The following ZNF69 variants were observed in gnomAD, a reference collection of about 807,000 sequenced individuals.
The protein encoded by ZNF69 is zinc finger protein 69.
ZNF69 carries 47 observed loss-of-function variants against 50.9 expected under a neutral mutation model. That is an observed-to-expected ratio of 0.92 (90% CI 0.73 to 1.18). The LOEUF is 1.18. ZNF69 is among the 50% of genes most tolerant of loss of function. The pLI, the probability that ZNF69 is intolerant of heterozygous loss-of-function variation, is 0.00. For synonymous variants in ZNF69, 216 were observed against 223.1 expected (o/e 0.97, Z 0.29); for missense variants, 717 against 675.1 (o/e 1.06, Z -0.69).
chr19:11,887,991 G>T lies in ZNF69; in HGVS notation c.63+5G>T, dbSNP rs1179657525. 16 of 1,611,180 alleles carry T rather than the reference G, an allele frequency of 9.9e-6. No individual in the cohort carries two copies. Among genetic ancestry groups the T allele is most frequent in the Non-Finnish European group, 1.3e-5 (15 of 1,178,168 alleles). ...ACATCTGAAAGCCAGGAAATGGTGC[G>T]TGTCTGGGGCCGGGTGTCGTGAGAC... On this transcript the variant is annotated splice_donor_5th_base_variant and intron_variant, in intron 1 of 3. Transcript: ENST00000429654.
the ZNF69 span, chr19:11,946,646 GC>G: frequency 6.6e-6 from 1 of 152,366 alleles, no homozygotes; most frequent in East Asian, 1.9e-4. Context: ...CCTTCTGATG[GC>G]CAACCCACCT....
chr19:11,919,185 G>A (rs547305531), downstream of ZNF69, among the ~76,000 whole-genome samples: 6 of 152,076 alleles, frequency 3.9e-5, no homozygotes, highest in East Asian at 3.9e-4. Flanking sequence ...GTGAGCCACC[G>A]CGCCTGGCCC....
the ZNF69 span, among the ~76,000 whole-genome samples, chr19:11,942,875 A>G: frequency 6.6e-6 from 1 of 152,166 alleles, no homozygotes; most frequent in South Asian, 2.1e-4. Flanking sequence ...GTTCTGAGGT[A>G]TGAGACAATA....
intron 1 of ZNF69, among the ~76,000 whole-genome samples, chr19:11,892,973 T>TA: frequency 6.6e-6 from 1 of 152,166 alleles, no homozygotes; most frequent in African/African-American, 2.4e-5. Flanking sequence ...TAGCTGGGAT[T>TA]ACATGCATGT....
At chr19:11,940,290 T>C in the ZNF69 span, among the ~76,000 whole-genome samples, 11 of 152,326 alleles carry the variant, frequency 7.2e-5, no homozygotes, top group Non-Finnish European at 1.0e-4. Flanking sequence ...ATTGGTGGGT[T>C]CTTGGTGTCA....
chr19:11,924,364 G>T, the ZNF69 span, among the ~76,000 whole-genome samples: 2 of 150,670 alleles, frequency 1.3e-5, no homozygotes, highest in East Asian at 3.9e-4. Context: ...CTCGGGAGGC[G>T]GAGCTTGCAG....
the ZNF69 span, among the ~76,000 whole-genome samples, chr19:11,924,805 C>A: frequency 1.3e-5 from 2 of 152,188 alleles, no homozygotes; most frequent in African/African-American, 4.8e-5. Flanking sequence ...CCTGCACACT[C>A]CTGTGACCCC....
chr19:11,953,238 CAG>C, the ZNF69 span: 2 of 152,258 alleles, frequency 1.3e-5, no homozygotes, highest in African/African-American at 2.4e-5. Flanking sequence ...GATGCAAGCA[CAG>C]TGTTGGAATA....
chr19:11,954,555 G>T, the ZNF69 span, among the ~76,000 whole-genome samples: 1 of 152,122 alleles, frequency 6.6e-6, no homozygotes, highest in Admixed American at 6.5e-5. Context: ...TCATTGCTGG[G>T]CACAGTGGCT....
rs35353560 is a variant in ZNF69 at position 11,891,374 on chromosome 19, TAA to T, written c.63+3402_63+3403del. ...CAATGCAGTGAGAGCCTGTCTGTATTAAAAAAAAAAAAAAAGAAAAGAAAGAA... is the reference window on the plus strand; with the variant it reads ...CAATGCAGTGAGAGCCTGTCTGTATTAAAAAAAAAAAAAGAAAAGAAAGAA... On this transcript the variant is annotated intron_variant, in intron 1 of 3. Transcript: ENST00000429654. Among the ~76,000 whole-genome samples the T allele has an allele frequency of 8.9e-3, 1,123 of 126,872 alleles. 18 individuals are homozygous for T. The highest frequency in any genetic ancestry group is 0.029 in the African/African-American group (1,001 of 34,842). The allele number at this position is 126,872 out of a possible 152,430, so 83.2% of individuals were successfully genotyped here. A position where few individuals can be genotyped will look rare whatever the true frequency, so the allele number is the denominator to read the frequency against.
At chr19:11,969,363 C>T in the ZNF69 span, among the ~76,000 whole-genome samples, 14 of 152,296 alleles carry the variant, frequency 9.2e-5, no homozygotes, top group African/African-American at 3.1e-4. Context: ...CCTTGGCCTC[C>T]CAAAGTGGTG....
the ZNF69 span, chr19:11,947,427 G>A: frequency 6.2e-7 from 1 of 1,601,128 alleles, no homozygotes; most frequent in East Asian, 2.2e-5. Context: ...ATGAGGCATG[G>A]CTGCAGTAAA....
At chr19:11,909,213 A>G (rs1972422482), downstream of ZNF69, among the ~76,000 whole-genome samples, 1 of 152,218 alleles carries the variant, frequency 6.6e-6, no homozygotes, top group Non-Finnish European at 1.5e-5. Context: ...CAAGGACCAG[A>G]TGGATTCACA....
chr19:11,963,539 C>T, the ZNF69 span, among the ~76,000 whole-genome samples: 1 of 152,104 alleles, frequency 6.6e-6, no homozygotes, highest in South Asian at 2.1e-4. Context: ...GTGAGCTTGC[C>T]GGTGACTCTC....
chr19:11,963,088 A>AGAGAGAGAGAGAGTGTGTGTGTGT, the ZNF69 span, among the ~76,000 whole-genome samples: 1 of 138,312 alleles, frequency 7.2e-6, no homozygotes, highest in African/African-American at 3.0e-5. Context: ...AGAGAGAGAG[A>AGAGAGAGAGAGAGTGTGTGTGTGT]GTGTGTGTGT....
the ZNF69 span, among the ~76,000 whole-genome samples, chr19:11,969,233 T>C: frequency 6.6e-6 from 1 of 152,188 alleles, no homozygotes; most frequent in Non-Finnish European, 1.5e-5. Context: ...GCCTTTCCAG[T>C]AGCTGGGATT....
chr19:11,961,679 G>C, the ZNF69 span: 2 of 151,830 alleles, frequency 1.3e-5, no homozygotes, highest in South Asian at 2.1e-4. Flanking sequence ...ACAATGGCGC[G>C]ATCTCAACTC....
At position 11,895,947 on chromosome 19, in the gene ZNF69, T is replaced by C. The variant is rs1307830121; in HGVS notation, c.64-7626T>C. Among the ~76,000 whole-genome samples the C allele has an allele frequency of 1.1e-4, 17 of 152,230 alleles. No homozygotes were observed. In the East Asian group the frequency reaches 2.3e-3, roughly 21 times the overall value. Reference sequence around the variant, plus strand: ...CTTAAACAGATGCCCAGACTGGGCATGGTGGCTGACGCCTGTAATCCCAGC... The same window carrying C: ...CTTAAACAGATGCCCAGACTGGGCACGGTGGCTGACGCCTGTAATCCCAGC... On this transcript the variant is annotated intron_variant, in intron 1 of 3. Transcript: ENST00000429654.
the ZNF69 span, chr19:11,947,702 C>A: frequency 1.0e-6 from 1 of 985,200 alleles, no homozygotes; most frequent in South Asian, 1.6e-5. Context: ...AATATTTTCT[C>A]AAAAAACATA....
Sources: allele counts gnomAD v4.1 joint callset (sites outside exome capture counted in the v4.1 genomes callset), GRCh38; gene constraint gnomAD v4.1.1; transcripts MANE v1.5; gene names NCBI Gene and HGNC (gene_info 2026-07-23, HGNC 2026-07-21).